Variants in EMILIN2 observed in about 807,000 individuals in gnomAD.
EMILIN2 encodes elastin microfibril interfacer 2.
Under a neutral mutation model 87.1 loss-of-function variants are expected in EMILIN2, and 71 were observed. That is an observed-to-expected ratio of 0.82 (90% CI 0.67 to 0.99). The LOEUF is 0.99. Among genes scored for constraint, EMILIN2 ranks in the 50% least tolerant of loss-of-function variants. EMILIN2 has a pLI of 0.00. For missense variants in EMILIN2, 1,407 were observed against 1,371.8 expected, an observed-to-expected ratio of 1.03 and a Z score of -0.40; for synonymous variants, 581 against 563.4, an observed-to-expected ratio of 1.03 and a Z score of -0.44.
Position 2,891,476 on chromosome 18 carries a change from G to A in EMILIN2, c.1349G>A (p.Trp450Ter), listed in dbSNP as rs748263282. 1.9e-6 allele frequency: 3 copies of A among 1,614,204 alleles called. No individual in the cohort carries two copies. The highest frequency in any genetic ancestry group is 1.7e-6 in the Non-Finnish European group (2 of 1,180,026). ...PEPDVDFDAK[W>*]NELDARINVT... is the part of the protein sequence containing the mutation. The stretch of plus-strand genomic sequence containing the variant: ...CCAGATGTGGATTTTGATGCAAAAT[G>A]GAATGAACTCGATGCAAGGATCAAT... The change falls in exon 4 of 8, where the codon TGG becomes TAG. Residue 450 changes from tryptophan (W) to a stop codon, truncating the protein, a stop_gained. Transcript: ENST00000254528. LOFTEE classifies it high-confidence loss of function. The surrounding 1 kb of genome is among the most constrained non-coding windows in gnomAD (Gnocchi z 4.6).
In EMILIN2 at chr18:2,915,822, C is replaced by T. The variant is rs1368182491; in HGVS notation, c.*2418C>T. 6.6e-6 allele frequency: 1 copy of T among 152,238 alleles called. No individual in the cohort carries two copies. The highest frequency in any genetic ancestry group is 1.9e-4 in the East Asian group (1 of 5,190). The allele number at this position is 152,238 out of a possible 1,614,324, so 9.4% of individuals were successfully genotyped here. ...ACAGGTATGAGCCACCACGCCCAGC[C>T]AAGTTCACAACTTCTGATATCAAGT... On this transcript the variant is annotated 3_prime_UTR_variant, in exon 8 of 8. Coordinates refer to ENST00000254528, the MANE Select transcript of EMILIN2 (RefSeq NM_032048.3).
At chr18:2,899,283 TG>T (rs554023887) in intron 4 of EMILIN2, among the ~76,000 whole-genome samples, 5 of 150,542 alleles carry the variant, frequency 3.3e-5, no homozygotes, top group South Asian at 4.2e-4. Context: ...AAAGAGGAGG[TG>T]GGGGGGAGGG....
At position 2,891,303 on chromosome 18, in the gene EMILIN2, C is replaced by T. The variant is rs1598499498; in HGVS notation, c.1176C>T (p.Ala392=). 1 of 1,614,128 alleles carries T rather than the reference C, an allele frequency of 6.2e-7. No homozygotes were observed. The highest frequency in any genetic ancestry group is 2.2e-5 in the East Asian group (1 of 44,880). ...GAGCCCGGCTACAGGAGCCTTCAGC[C>T]CAGGCAAATTGCTGCGACAGTGAAA... The part of the protein sequence containing the change: ...NLRARLQEPS[A]QANCCDSEKN... Residue 392 remains alanine, a synonymous_variant, in exon 4 of 8, where the codon GCC becomes GCT. Coordinates refer to ENST00000254528, the MANE Select transcript of EMILIN2 (RefSeq NM_032048.3). The surrounding 1 kb of genome is among the most constrained non-coding windows in gnomAD (Gnocchi z 4.6).
At chr18:2,900,714 C>A (rs1351162552) in intron 4 of EMILIN2, among the ~76,000 whole-genome samples, 1 of 152,158 alleles carries the variant, frequency 6.6e-6, no homozygotes, top group African/African-American at 2.4e-5. Flanking sequence ...TCTGAATTTT[C>A]TGATGAGTCC....
Position 2,906,684 on chromosome 18 carries a change from G to A in EMILIN2, c.2360-99G>A, listed in dbSNP as rs1045519748. 5 of 994,820 alleles carry A rather than the reference G, an allele frequency of 5.0e-6. No homozygotes were observed. In the African/African-American group the frequency reaches 6.8e-5, roughly 13 times the overall value. 61.6% of individuals were successfully genotyped at this position (994,820 alleles called of 1,614,324 possible). ...AGGGGTGGCCGCAGAGTCCTCACGGGGACCCCGCTCGCCGGGACTCATGGA... is the reference window on the plus strand; with the variant it reads ...AGGGGTGGCCGCAGAGTCCTCACGGAGACCCCGCTCGCCGGGACTCATGGA... On this transcript the variant is annotated intron_variant, in intron 4 of 7. Coordinates refer to ENST00000254528, the MANE Select transcript of EMILIN2 (RefSeq NM_032048.3).
intron 2 of EMILIN2, among the ~76,000 whole-genome samples, chr18:2,850,130 T>C (rs1378856612): frequency 7.0e-6 from 1 of 142,778 alleles, no homozygotes; most frequent in Non-Finnish European, 1.5e-5. Context: ...TTAGTAGAGA[T>C]AGGGTTTCAA....
intron 4 of EMILIN2, among the ~76,000 whole-genome samples, chr18:2,901,650 A>C (rs1369015603): frequency 6.6e-6 from 1 of 152,212 alleles, no homozygotes; most frequent in African/African-American, 2.4e-5. Context: ...ACACATGAGG[A>C]GCAACCTTGG....
At position 2,872,165 on chromosome 18, in the gene EMILIN2, G is replaced by A. The variant is rs925145292; in HGVS notation, c.258-12799G>A. ...GAATACTGACGGCTCAAGAAAGGCCGTGGTGCCTGGGTACCACCTGGTAGG... is the reference window on the plus strand; with the variant it reads ...GAATACTGACGGCTCAAGAAAGGCCATGGTGCCTGGGTACCACCTGGTAGG... On this transcript the variant is annotated intron_variant, in intron 2 of 7. Transcript: ENST00000254528. 2.6e-5 allele frequency among the ~76,000 whole-genome samples: 4 copies of A among 152,174 alleles called. No homozygotes were observed. In the East Asian group the frequency reaches 5.8e-4, roughly 22 times the overall value.
Position 2,913,498 on chromosome 18 carries a change from A to G in EMILIN2, c.*94A>G. 2 of 1,042,610 alleles carry G rather than the reference A, an allele frequency of 1.9e-6. No homozygotes were observed. Among genetic ancestry groups the G allele is most frequent in the Non-Finnish European group, 2.7e-6 (2 of 731,750 alleles). 64.6% of individuals were successfully genotyped at this position (1,042,610 alleles called of 1,614,324 possible). A position where few individuals can be genotyped will look rare whatever the true frequency, so the allele number is the denominator to read the frequency against. ...TTGTATGTAATGGAAGCACGGGGCT[A>G]GAGTTTCCACATAGGCCCCAACATA... On this transcript the variant is annotated 3_prime_UTR_variant, in exon 8 of 8. Coordinates refer to ENST00000254528, the MANE Select transcript of EMILIN2 (RefSeq NM_032048.3).
At chr18:2,892,683 G>A (rs2076845014) in intron 4 of EMILIN2, among the ~76,000 whole-genome samples, 197 bp downstream of exon 4, 1 of 151,826 alleles carries the variant, frequency 6.6e-6, no homozygotes, top group South Asian at 2.1e-4. Flanking sequence ...TCATAGATTG[G>A]TGCCTGAATT....
chr18:2,888,335 T>G (rs1246367382), intron 3 of EMILIN2, among the ~76,000 whole-genome samples: 3 of 152,212 alleles, frequency 2.0e-5, no homozygotes, highest in Non-Finnish European at 2.9e-5. Context: ...TTCCCCCCTT[T>G]GCCGCCCTTT....
chr18:2,895,945 G>A (rs1252561010), intron 4 of EMILIN2, among the ~76,000 whole-genome samples: 5 of 152,144 alleles, frequency 3.3e-5, no homozygotes, highest in South Asian at 2.1e-4. Context: ...TCGCCAGACC[G>A]GGAACACACA....
At chr18:2,904,959 T>C (rs1364491867) in intron 4 of EMILIN2, among the ~76,000 whole-genome samples, 1 of 152,208 alleles carries the variant, frequency 6.6e-6, no homozygotes, top group Non-Finnish European at 1.5e-5. Context: ...GAGCAGACTT[T>C]CGCTTAGTGT....
chr18:2,892,154 G>A lies in EMILIN2; in HGVS notation c.2027G>A (p.Arg676Lys), dbSNP rs1275790705. ...CCSQLEERWQRLQSQVISELD... is the reference protein window; with the variant it reads ...CCSQLEERWQKLQSQVISELD... The stretch of plus-strand genomic sequence containing the variant: ...AGTCAGCTGGAGGAGAGGTGGCAGA[G>A]GTTGCAGAGCCAGGTCATCTCGGAG... The change falls in exon 4 of 8, where the codon AGG (arginine) becomes AAG (lysine). Residue 676 changes from arginine (R) to lysine (K), a missense_variant. Coordinates refer to ENST00000254528, the MANE Select transcript of EMILIN2 (RefSeq NM_032048.3). 1.2e-6 allele frequency: 2 copies of A among 1,608,070 alleles called. No individual in the cohort carries two copies. The highest frequency in any genetic ancestry group is 1.7e-5 in the Admixed American group (1 of 59,700).
intron 2 of EMILIN2, among the ~76,000 whole-genome samples, chr18:2,873,942 A>C (rs1415247876): frequency 2.0e-5 from 3 of 152,114 alleles, no homozygotes. Context: ...CCGTGGTATC[A>C]AACCTTATAC....
intron 2 of EMILIN2, among the ~76,000 whole-genome samples, chr18:2,882,474 C>T (rs1050998614): frequency 1.3e-5 from 2 of 152,164 alleles, no homozygotes; most frequent in Non-Finnish European, 2.9e-5. Context: ...GCAAACAGGC[C>T]GGGTGTGGTG....
chr18:2,861,425 G>A (rs1448597564), intron 2 of EMILIN2, among the ~76,000 whole-genome samples: 1 of 152,154 alleles, frequency 6.6e-6, no homozygotes, highest in African/African-American at 2.4e-5. Flanking sequence ...TGTAAGGAAG[G>A]GATGCAGTTT....
intron 3 of EMILIN2, among the ~76,000 whole-genome samples, chr18:2,889,313 T>G (rs2144033880): frequency 6.6e-6 from 1 of 152,022 alleles, no homozygotes; most frequent in African/African-American, 2.4e-5. Flanking sequence ...GATTTTTGTA[T>G]TTTTAGTAGA....
Position 2,914,610 on chromosome 18 carries a change from G to C in EMILIN2, c.*1206G>C, listed in dbSNP as rs2076957396. The C allele has an allele frequency of 1.3e-5, 2 of 152,226 alleles. No individual in the cohort carries two copies. Among genetic ancestry groups the C allele is most frequent in the South Asian group, 4.1e-4 (2 of 4,824 alleles). 9.4% of individuals were successfully genotyped at this position (152,226 alleles called of 1,614,324 possible). ...AGTTCAAGGTAGTCTCTGTGGATCA[G>C]GTTGGTAACACCTACTGGTTAATCA... On this transcript the variant is annotated 3_prime_UTR_variant, in exon 8 of 8. Transcript: ENST00000254528.
Sources: gnomAD v4.1 joint callset for allele counts (sites outside exome capture counted in the v4.1 genomes callset) on GRCh38, gnomAD v4.1.1 for gene constraint, Gnocchi (gnomAD v3.1) non-coding constraint, MANE v1.5 for transcripts, NCBI Gene and HGNC (gene_info 2026-07-23, HGNC 2026-07-21) for gene names.